Variants in NANOG observed in about 807,000 individuals in gnomAD.
The protein encoded by NANOG is homeobox protein NANOG.
A neutral mutation model predicts 17.7 loss-of-function variants in NANOG; 2 were observed. The ratio of observed to expected loss-of-function variants is 0.11; its 90% CI spans 0.05 to 0.36. The LOEUF is 0.36. Ranked by LOEUF, NANOG falls within the 10% of genes least tolerant of loss-of-function variation. The pLI, the probability that NANOG is intolerant of heterozygous loss-of-function variation, is 1.00. For synonymous variants in NANOG, 81 were observed against 124.7 expected (o/e 0.65, Z 2.33); for missense variants, 174 against 362.1 (o/e 0.48, Z 4.22).
chr12:7,793,073 C>T lies in NANOG; in HGVS notation c.275C>T (p.Pro92Leu), dbSNP rs1862865018. The change falls in exon 2 of 4, where the codon CCG becomes CTG. Residue 92 changes from proline to leucine, a missense_variant. Physicochemically the swap from Pro to Leu is moderately conservative, Grantham distance 98. Transcript: ENST00000229307. Reference sequence around the variant, plus strand: ...GTCGCAAAAAAGGAAGACAAGGTCCCGGTCAAGAAACAGAAGACCAGAACT... The same window carrying T: ...GTCGCAAAAAAGGAAGACAAGGTCCTGGTCAAGAAACAGAAGACCAGAACT... ...KSVAKKEDKV[P>L]VKKQKTRTVF... 2.5e-6 allele frequency: 4 copies of T among 1,610,286 alleles called. No homozygotes were observed. Among genetic ancestry groups the T allele is most frequent in the East Asian group, 2.2e-5 (1 of 44,870 alleles).
intron 2 of NANOG, 64 bp from the exon 3 acceptor site, chr12:7,794,393 T>A (rs1287883287): frequency 1.4e-6 from 2 of 1,415,290 alleles, no homozygotes; most frequent in Non-Finnish European, 2.0e-6. Context: ...GTTAGCAATA[T>A]ACTTTGATTC....
At chr12:7,794,244 T>C (rs1219520492) in intron 2 of NANOG, among the ~76,000 whole-genome samples, 1 of 142,124 alleles carries the variant, frequency 7.0e-6, no homozygotes, top group Non-Finnish European at 1.6e-5. Context: ...CGGCTAATTT[T>C]TTGTATTTTT....
chr12:7,796,383 G>A lies in NANOG; in HGVS notation c.*1288G>A, dbSNP rs1171224635. ...TAAATATGCCAGTTTTAGAAAAAAG[G>A]GCACTTACGTGCATTGTACATGTGC... On this transcript the variant is annotated 3_prime_UTR_variant, in exon 4 of 4. Transcript: ENST00000229307. 9.4e-5 allele frequency: 11 copies of A among 117,056 alleles called. No individual in the cohort carries two copies. The highest frequency in any genetic ancestry group is 2.0e-4 in the Non-Finnish European group (10 of 50,730). 7.3% of individuals were successfully genotyped at this position (117,056 alleles called of 1,614,324 possible). A position where few individuals can be genotyped will look rare whatever the true frequency, so the allele number is the denominator to read the frequency against.
chr12:7,790,645 A>T (rs1862826846), intron 1 of NANOG, among the ~76,000 whole-genome samples: 1 of 152,238 alleles, frequency 6.6e-6, no homozygotes. Context: ...ATAGCTTAAA[A>T]AGCGCATTTA....
At chr12:7,792,617 T>C (rs1278108658) in intron 1 of NANOG, among the ~76,000 whole-genome samples, 1 of 151,924 alleles carries the variant, frequency 6.6e-6, no homozygotes, top group Non-Finnish European at 1.5e-5. Context: ...TGAGCCGAGA[T>C]TGCACCATCG....
In NANOG at chr12:7,791,169, C is replaced by T. The variant is rs778048611; in HGVS notation, c.151+1404C>T. ...TGTTGCCCACGCGGGAGTGCAGTGG[C>T]GTGATCTTGGCTCACTGCAACCTCC... On this transcript the variant is annotated intron_variant, in intron 1 of 3. Coordinates refer to ENST00000229307, the MANE Select transcript of NANOG (RefSeq NM_024865.4). 1.1e-4 allele frequency among the ~76,000 whole-genome samples: 17 copies of T among 150,804 alleles called. No individual in the cohort carries two copies. In the South Asian group the frequency reaches 2.1e-3, roughly 19 times the overall value.
chr12:7,793,742 C>G (rs1261478238), intron 2 of NANOG, among the ~76,000 whole-genome samples: 1 of 152,112 alleles, frequency 6.6e-6, no homozygotes, highest in Non-Finnish European at 1.5e-5. Flanking sequence ...CACTCTGTCT[C>G]CCAGGCTGGA....
chr12:7,791,492 T>C (rs1693279518), intron 1 of NANOG, among the ~76,000 whole-genome samples: 1 of 152,190 alleles, frequency 6.6e-6, no homozygotes, highest in Admixed American at 6.5e-5. Context: ...AGGTAGCTAA[T>C]ATTTAGGATT....
intron 1 of NANOG, among the ~76,000 whole-genome samples, chr12:7,792,270 A>T (rs1862851274): frequency 6.6e-6 from 1 of 152,212 alleles, no homozygotes; most frequent in East Asian, 1.9e-4. Context: ...GATCATAAAC[A>T]AAGTGATTTA....
rs1453551189 is a variant in NANOG, at chr12:7,789,608, T to C, written c.-7T>C. 44 of 1,613,274 alleles carry C rather than the reference T, an allele frequency of 2.7e-5. No homozygotes were observed. The highest frequency in any genetic ancestry group is 3.6e-5 in the Non-Finnish European group (42 of 1,180,020). Reference sequence around the variant, plus strand: ...TAAATTTTTTCCTCCTCTTCCTCTATACTAACATGAGTGTGGATCCAGCTT... The same window carrying C: ...TAAATTTTTTCCTCCTCTTCCTCTACACTAACATGAGTGTGGATCCAGCTT... On this transcript the variant is annotated 5_prime_UTR_variant, in exon 1 of 4. Coordinates refer to ENST00000229307, the MANE Select transcript of NANOG (RefSeq NM_024865.4).
intron 1 of NANOG, among the ~76,000 whole-genome samples, chr12:7,792,036 A>C (rs970664537): frequency 6.6e-6 from 1 of 152,198 alleles, no homozygotes; most frequent in African/African-American, 2.4e-5. Flanking sequence ...CTGGGATTAC[A>C]GGCATGCGCC....
In NANOG at chr12:7,797,858, G is replaced by T. The variant is rs1321998224; in HGVS notation, c.*2763G>T. ...AGGAGAGACGGGGTTTCCCCATGTTGGCCTGGCTAGTCTCAAACTCCTGAG... is the reference window on the plus strand; with the variant it reads ...AGGAGAGACGGGGTTTCCCCATGTTTGCCTGGCTAGTCTCAAACTCCTGAG... On this transcript the variant is annotated 3_prime_UTR_variant, in exon 4 of 4. Transcript: ENST00000229307. The T allele has an allele frequency of 6.6e-6, 1 of 152,082 alleles. No homozygotes were observed. The highest frequency in any genetic ancestry group is 1.9e-4 in the East Asian group (1 of 5,178). 9.4% of individuals were successfully genotyped at this position (152,082 alleles called of 1,614,324 possible). A position where few individuals can be genotyped will look rare whatever the true frequency, so the allele number is the denominator to read the frequency against.
Position 7,795,922 on chromosome 12 carries a change from G to A in NANOG, c.*827G>A, listed in dbSNP as rs1434526320. 1 of 147,420 alleles carries A rather than the reference G, an allele frequency of 6.8e-6. No homozygotes were observed. The highest frequency in any genetic ancestry group is 1.5e-5 in the Non-Finnish European group (1 of 66,924). The allele number at this position is 147,420 out of a possible 1,614,324, so 9.1% of individuals were successfully genotyped here. ...GCTAATCTTTGTAGAAAGAGGTCTC[G>A]TATTTGCTGCATCGTAATGACATGA... On this transcript the variant is annotated 3_prime_UTR_variant, in exon 4 of 4. Transcript: ENST00000229307.
In NANOG at chr12:7,793,110, C is replaced by T. The variant is rs779730729; in HGVS notation, c.312C>T (p.Ser104=). 1.9e-6 allele frequency: 3 copies of T among 1,608,282 alleles called. No individual in the cohort carries two copies. The highest frequency in any genetic ancestry group is 3.3e-5 in the Admixed American group (2 of 59,980). ...KKQKTRTVFS[S]TQLCVLNDRF... is the part of the protein sequence containing the mutation. ...AGAAGACCAGAACTGTGTTCTCTTC[C>T]ACCCAGCTGTGTGTACTCAATGATA... The change falls in exon 2 of 4, where the codon TCC becomes TCT. Residue 104 remains serine, a synonymous_variant. Coordinates refer to ENST00000229307, the MANE Select transcript of NANOG (RefSeq NM_024865.4).
chr12:7,792,500 A>G (rs1304942455), intron 1 of NANOG, among the ~76,000 whole-genome samples: 1 of 152,120 alleles, frequency 6.6e-6, no homozygotes, highest in Non-Finnish European at 1.5e-5. Flanking sequence ...CCCTGTCTCT[A>G]CTAAAAATAC....
Position 7,795,805 on chromosome 12 carries a change from CTA to C in NANOG, c.*712_*713del, listed in dbSNP as rs1438702834. 4 of 146,558 alleles carry C rather than the reference CTA, an allele frequency of 2.7e-5. No individual in the cohort carries two copies. The highest frequency in any genetic ancestry group is 1.0e-4 in the African/African-American group (4 of 40,172). The allele number at this position is 146,558 out of a possible 1,614,324, so 9.1% of individuals were successfully genotyped here. On this transcript the variant is annotated 3_prime_UTR_variant, in exon 4 of 4. Transcript: ENST00000229307. ...GGAGGCTTTGCTTATTTTTTAAAAACTATTGAGGTAAAGGGTTAAGCTGTAAC... is the reference window on the plus strand; with the variant it reads ...GGAGGCTTTGCTTATTTTTTAAAAACTTGAGGTAAAGGGTTAAGCTGTAAC...
In NANOG at chr12:7,794,732, C is replaced by T. The variant is rs1862893454; in HGVS notation, c.555C>T (p.Cys185=). 6.4e-7 allele frequency: 1 copy of T among 1,566,942 alleles called. No individual in the cohort carries two copies. The highest frequency in any genetic ancestry group is 1.2e-5 in the South Asian group (1 of 83,216). The change falls in exon 4 of 4, where the codon TGC becomes TGT. Residue 185 remains cysteine (C), a synonymous_variant. Coordinates refer to ENST00000229307, the MANE Select transcript of NANOG (RefSeq NM_024865.4). ...PSLYSSYHQG[C]LVNPTGNLPM... is the part of the protein sequence containing the mutation. ...TTTACTCTTCCTACCACCAGGGATGCCTGGTGAACCCGACTGGGAACCTTC... is the reference window on the plus strand; with the variant it reads ...TTTACTCTTCCTACCACCAGGGATGTCTGGTGAACCCGACTGGGAACCTTC...
intron 1 of NANOG, among the ~76,000 whole-genome samples, chr12:7,790,160 C>G (rs1862819325): frequency 6.8e-6 from 1 of 147,716 alleles, no homozygotes; most frequent in Admixed American, 6.9e-5. Flanking sequence ...GCCAGAAGAC[C>G]TAACGTCATA....
intron 2 of NANOG, among the ~76,000 whole-genome samples, chr12:7,793,604 T>C (rs962107245): frequency 2.0e-5 from 3 of 152,210 alleles, no homozygotes; most frequent in Non-Finnish European, 4.4e-5. Flanking sequence ...TTTTGTTTTT[T>C]ATCTGTGTGC....
Sources: allele counts gnomAD v4.1 joint callset (sites outside exome capture counted in the v4.1 genomes callset), GRCh38; gene constraint gnomAD v4.1.1; transcripts MANE v1.5; gene names NCBI Gene and HGNC (gene_info 2026-07-23, HGNC 2026-07-21).